CSMD1: variants seen among roughly 807,000 people sequenced by gnomAD.
CSMD1 encodes the protein CUB and Sushi multiple domains 1.
A neutral mutation model predicts 417.5 loss-of-function variants in CSMD1; 213 were observed. That is an observed-to-expected ratio of 0.51 (90% CI 0.46 to 0.57). The LOEUF (loss-of-function observed/expected upper bound fraction) is 0.57. CSMD1 is among the 20% of genes least tolerant of loss of function. The pLI is 0.00. For missense variants in CSMD1, 6,923 were observed against 4,529.7 expected, an observed-to-expected ratio of 1.53 and a Z score of -15.17; for synonymous variants, 2,862 against 1,736.8, an observed-to-expected ratio of 1.65 and a Z score of -16.11.
Position 4,040,758 on chromosome 8 carries a change from A to C in CSMD1, c.416-8659T>G, listed in dbSNP as rs10106794. On this transcript the variant is annotated intron_variant, in intron 3 of 69. Coordinates refer to ENST00000635120, the MANE Select transcript of CSMD1 (RefSeq NM_033225.6). ...AAAGTCAAAAACAAGGTAAGCGACC[A>C]GTTGGCAAATGGATTTGAAACCTAG... is the stretch of plus-strand genomic sequence containing the variant. Among the ~76,000 whole-genome samples the C allele has an allele frequency of 1.8e-3, 275 of 152,274 alleles. 1 individual carries two copies. The highest frequency in any genetic ancestry group is 3.0e-3 in the Non-Finnish European group (204 of 68,030).
chr8:4,144,613 C>T lies in CSMD1; in HGVS notation c.416-112514G>A, dbSNP rs114423098. On this transcript the variant is annotated intron_variant, in intron 3 of 69. Coordinates refer to ENST00000635120, the MANE Select transcript of CSMD1 (RefSeq NM_033225.6). ...AAGTCATAAAAGAGGTGAAGACAAG[C>T]TTGTTCTTGTTTGTCTGGAGCTTCT... Among the ~76,000 whole-genome samples, 1,386 of 151,058 alleles carry T rather than the reference C, an allele frequency of 9.2e-3. 105 individuals carry two copies. Among genetic ancestry groups the T allele is most frequent in the African/African-American group, 0.033 (1,344 of 40,422 alleles).
chr8:4,939,441 A>T (rs1264494803), intron 1 of CSMD1, among the ~76,000 whole-genome samples: 2 of 152,222 alleles, frequency 1.3e-5, no homozygotes, highest in African/African-American at 4.8e-5. Flanking sequence ...CGTAATCTAT[A>T]TACCTAATGG....
chr8:3,294,587 G>C (rs1283296480), intron 25 of CSMD1, among the ~76,000 whole-genome samples: 1 of 152,218 alleles, frequency 6.6e-6, no homozygotes, highest in African/African-American at 2.4e-5. Flanking sequence ...CTAGCAATGA[G>C]TGAGGCTCCG....
intron 61 of CSMD1, among the ~76,000 whole-genome samples, chr8:2,961,673 C>A (rs1254066882): frequency 6.6e-6 from 1 of 152,086 alleles, no homozygotes; most frequent in Non-Finnish European, 1.5e-5. Context: ...ATAATGGAAC[C>A]ACATGGAAAA....
At chr8:4,398,388 CTTTTT>C (rs767579097) in intron 3 of CSMD1, among the ~76,000 whole-genome samples, 3 of 114,494 alleles carry the variant, frequency 2.6e-5, no homozygotes, top group Admixed American at 2.0e-4. Flanking sequence ...GCTGCAACTT[CTTTTT>C]TTTTTTTTTT....
At position 4,009,366 on chromosome 8, in the gene CSMD1, T is replaced by C. The variant is rs750577636; in HGVS notation, c.611-11256A>G. On this transcript the variant is annotated intron_variant, in intron 4 of 69. Transcript: ENST00000635120. ...TACGGACATAATTTAAAATACAGAA[T>C]AGAACATTACTTAGAAGCAAACTGC... Among the ~76,000 whole-genome samples the C allele has an allele frequency of 5.9e-5, 9 of 152,280 alleles. No homozygotes were observed. The South Asian group carries it at 6.2e-4, about 11-fold the overall frequency.
intron 5 of CSMD1, among the ~76,000 whole-genome samples, chr8:3,772,534 CATATATACACATATATACATATATACAT>C (rs1798662564): frequency 2.9e-5 from 1 of 34,306 alleles, no homozygotes; most frequent in Non-Finnish European, 9.6e-5. Context: ...CACATATATA[CATATATACACATATATACATATATACAT>C]ATATATACAT....
chr8:4,975,497 C>T (rs1332812508), intron 1 of CSMD1, among the ~76,000 whole-genome samples: 3 of 152,108 alleles, frequency 2.0e-5, no homozygotes, highest in Non-Finnish European at 4.4e-5. Flanking sequence ...TATGTCAGGG[C>T]TGAAAGCAAA....
intron 6 of CSMD1, among the ~76,000 whole-genome samples, chr8:3,709,577 G>A (rs1456206055): frequency 1.3e-5 from 2 of 151,546 alleles, no homozygotes; most frequent in African/African-American, 4.9e-5. Context: ...GTGTGGGTGG[G>A]CCTGGTCCAG....
chr8:3,591,961 G>A (rs1343384879), intron 8 of CSMD1, among the ~76,000 whole-genome samples: 2 of 152,128 alleles, frequency 1.3e-5, no homozygotes, highest in Admixed American at 1.3e-4. Flanking sequence ...ATGGATAGAT[G>A]AATGGATGGA....
chr8:3,590,046 T>G (rs999161642), intron 8 of CSMD1, among the ~76,000 whole-genome samples: 2 of 151,998 alleles, frequency 1.3e-5, no homozygotes, highest in Non-Finnish European at 2.9e-5. Flanking sequence ...TTTGAAAGAA[T>G]GCAACATCGC....
chr8:4,443,963 C>T (rs536777798), intron 2 of CSMD1, among the ~76,000 whole-genome samples: 11 of 152,112 alleles, frequency 7.2e-5, no homozygotes, highest in African/African-American at 2.7e-4. Flanking sequence ...GATATAATTA[C>T]CTGTGATATG....
At position 2,938,379 on chromosome 8, in the gene CSMD1, G is replaced by T; in HGVS notation, c.*206C>A. ...AGCCAGGCATTTAGAACCCACTTTT[G>T]GAATGAAAACGCATGTGTAGTTTGA... On this transcript the variant is annotated 3_prime_UTR_variant, in exon 70 of 70. Transcript: ENST00000635120. 4.1e-6 allele frequency: 2 copies of T among 487,306 alleles called. No individual in the cohort carries two copies. The highest frequency in any genetic ancestry group is 4.5e-5 in the South Asian group (1 of 22,216). 30.2% of individuals were successfully genotyped at this position (487,306 alleles called of 1,614,324 possible).
intron 5 of CSMD1, among the ~76,000 whole-genome samples, chr8:3,769,616 A>G (rs1440084296): frequency 6.6e-6 from 1 of 152,102 alleles, no homozygotes; most frequent in Non-Finnish European, 1.5e-5. Context: ...CTATTTATAC[A>G]TCATTTAAAA....
intron 2 of CSMD1, among the ~76,000 whole-genome samples, chr8:4,535,010 C>T (rs1797032506): frequency 1.3e-5 from 2 of 152,290 alleles, no homozygotes; most frequent in Middle Eastern, 3.4e-3. Context: ...ATCTGCCTGC[C>T]TCAGCCTCCC....
intron 5 of CSMD1, among the ~76,000 whole-genome samples, chr8:3,953,493 T>A (rs1027017368): frequency 6.6e-6 from 1 of 151,564 alleles, no homozygotes; most frequent in Non-Finnish European, 1.5e-5. Context: ...ATGGGCTGAG[T>A]TTGGGGGTTT....
intron 3 of CSMD1, among the ~76,000 whole-genome samples, chr8:4,082,860 C>T (rs540901717): frequency 1.4e-4 from 20 of 148,076 alleles, no homozygotes; most frequent in African/African-American, 1.5e-4. Flanking sequence ...TGGGAACATG[C>T]GGTGTTTGGT....
chr8:3,864,615 C>G (rs938001692), intron 5 of CSMD1, among the ~76,000 whole-genome samples: 2 of 152,126 alleles, frequency 1.3e-5, no homozygotes, highest in Non-Finnish European at 2.9e-5. Context: ...TTATCCCTCC[C>G]CAGTAACCCC....
At position 3,037,207 on chromosome 8, in the gene CSMD1, C is replaced by CT. The variant is rs34495486; in HGVS notation, c.7661-7695dup. 1.7e-4 allele frequency among the ~76,000 whole-genome samples: 25 copies of CT among 150,228 alleles called. 1 individual carries two copies. In the East Asian group the frequency reaches 2.3e-3, roughly 14 times the overall value. On this transcript the variant is annotated intron_variant, in intron 50 of 69. Transcript: ENST00000635120. The stretch of plus-strand genomic sequence containing the variant: ...TCATAGTGCATATATACCACACTTT[C>CT]TTTTTTTTGTTTTTTTGAGACGGAG...
Sources: gnomAD v4.1 joint callset for allele counts (sites outside exome capture counted in the v4.1 genomes callset) on GRCh38, gnomAD v4.1.1 for gene constraint, MANE v1.5 for transcripts, NCBI Gene and HGNC (gene_info 2026-07-23, HGNC 2026-07-21) for gene names.